FER1L5: variants seen among roughly 807,000 people sequenced by gnomAD.
FER1L5 encodes the protein fer-1 like family member 5, also known as fer-1-like protein 5.
FER1L5 carries 187 observed loss-of-function variants against 279.9 expected under a neutral mutation model. The ratio of observed to expected loss-of-function variants is 0.67; its 90% confidence interval spans 0.59 to 0.75. FER1L5 has a LOEUF of 0.75. FER1L5 is among the 30% of genes least tolerant of loss of function. The pLI is 0.00. For synonymous variants in FER1L5, 921 were observed against 989.7 expected, an observed-to-expected ratio of 0.93 and a Z score of 1.30; for missense variants, 2,091 against 2,594.4, an observed-to-expected ratio of 0.81 and a Z score of 4.21.
At chr2:96,693,360 A>T in intron 31 of FER1L5, 146 bp from the exon 32 acceptor site, 1 of 712,268 alleles carries the variant, frequency 1.4e-6, no homozygotes, top group Non-Finnish European at 2.2e-6. Flanking sequence ...TCTGCAGCTG[A>T]CTCTGAGGGG....
intron 27 of FER1L5, 118 bp downstream of exon 27, chr2:96,690,707 C>G (rs1410432497): frequency 2.3e-6 from 2 of 875,982 alleles, no homozygotes; most frequent in Admixed American, 2.5e-5. Context: ...ATTCCTGGGG[C>G]CCCCTGGCCT....
chr2:96,686,799 A>G (rs761278953), intron 23 of FER1L5, among the ~76,000 whole-genome samples: 1 of 141,722 alleles, frequency 7.1e-6, no homozygotes, highest in Non-Finnish European at 1.5e-5. Flanking sequence ...CGGAGGTTGC[A>G]GTGAGCTGAG....
chr2:96,659,364 TC>T lies in FER1L5; in HGVS notation c.748-976del, dbSNP rs2075786793. ...TTCCTTCCTTCCTTCCTTCCTTCCT[TC>T]TTTCTTTCTTTCTTTCTTTCTTTCT... On this transcript the variant is annotated intron_variant, in intron 9 of 52. Coordinates refer to ENST00000624922, the MANE Select transcript of FER1L5 (RefSeq NM_001293083.2). Among the ~76,000 whole-genome samples the T allele has an allele frequency of 1.9e-4, 4 of 20,708 alleles. 1 individual carries two copies. The highest frequency in any genetic ancestry group is 1.3e-3 in the African/African-American group (4 of 2,996). 13.6% of individuals were successfully genotyped at this position (20,708 alleles called of 152,430 possible). A position where few individuals can be genotyped will look rare whatever the true frequency, so the allele number is the denominator to read the frequency against.
chr2:96,693,572 G>GCC lies in FER1L5; in HGVS notation c.3362_3363dup (p.Thr1122ProfsTer65). On this transcript the variant is annotated frameshift_variant, in exon 32 of 53. Coordinates refer to ENST00000624922, the MANE Select transcript of FER1L5 (RefSeq NM_001293083.2). LOFTEE classifies it high-confidence loss of function. ...ACCCAAACCCTGAGGAGCTCTGCAG[G>GCC]CCCCACATGGGCCCAGACACTCATC... 6.4e-7 allele frequency: 1 copy of GCC among 1,551,506 alleles called. No homozygotes were observed.
chr2:96,671,194 A>G (rs1180950648), intron 18 of FER1L5, among the ~76,000 whole-genome samples: 3 of 151,048 alleles, frequency 2.0e-5, no homozygotes, highest in Non-Finnish European at 4.4e-5. Flanking sequence ...GGGCTTTGTA[A>G]AACAATCTAA....
intron 1 of FER1L5, among the ~76,000 whole-genome samples, chr2:96,644,918 C>T (rs1409768989): frequency 6.6e-6 from 1 of 152,216 alleles, no homozygotes; most frequent in Non-Finnish European, 1.5e-5. Flanking sequence ...TCCCCACCAC[C>T]TCATGGGCAC....
chr2:96,692,057 C>A (rs762656225), intron 30 of FER1L5, 47 bp from the exon 31 acceptor site: 11 of 1,549,906 alleles, frequency 7.1e-6, no homozygotes, highest in Non-Finnish European at 8.7e-6. Context: ...CAGAGGGAGC[C>A]GCTGGGGTCC....
intron 1 of FER1L5, among the ~76,000 whole-genome samples, chr2:96,643,438 C>T (rs1237984100): frequency 6.6e-6 from 1 of 150,990 alleles, no homozygotes; most frequent in Non-Finnish European, 1.5e-5. Flanking sequence ...CAACCTCTGC[C>T]TCCCAGGTTC....
chr2:96,695,933 A>G, intron 36 of FER1L5, 29 bp downstream of exon 36: 1 of 1,610,808 alleles, frequency 6.2e-7, no homozygotes, highest in Non-Finnish European at 8.5e-7. Flanking sequence ...GCCTTTCCCC[A>G]GGCCTCACAA....
chr2:96,700,536 C>T (rs1482222065), intron 45 of FER1L5, 65 bp downstream of exon 45: 3 of 1,601,162 alleles, frequency 1.9e-6, no homozygotes, highest in Non-Finnish European at 2.6e-6. Context: ...ACAGAGATGC[C>T]TGTCCACCCA....
chr2:96,660,348 T>C lies in FER1L5; in HGVS notation c.755T>C (p.Ile252Thr), dbSNP rs2075909499. 1.3e-6 allele frequency: 2 copies of C among 1,551,678 alleles called. No homozygotes were observed. The highest frequency in any genetic ancestry group is 1.7e-6 in the Non-Finnish European group (2 of 1,146,966). Residue 252 changes from isoleucine (I) to threonine (T), a missense_variant, in exon 10 of 53, where the codon ATT (isoleucine) becomes ACT (threonine). Transcript: ENST00000624922. The stretch of plus-strand genomic sequence containing the variant: ...CCACTGTTGTCTTTTCAGACAGATA[T>C]TGGGTTTATCTACCATTCTCCAGGT... ...KAEIGRFQTD[I>T]GFIYHSPGHT... is the part of the protein sequence containing the mutation.
Position 96,694,030 on chromosome 2 carries a change from G to A in FER1L5, c.3594G>A (p.Glu1198=). 6.5e-7 allele frequency: 1 copy of A among 1,548,686 alleles called. No individual in the cohort carries two copies. Among genetic ancestry groups the A allele is most frequent in the African/African-American group, 1.4e-5 (1 of 73,176 alleles). ...TTGTAAAGGAGTTGGGGAAGGAAGAGGGCGAGATCTTGGCATCCTGTGAGC... is the reference window on the plus strand; with the variant it reads ...TTGTAAAGGAGTTGGGGAAGGAAGAAGGCGAGATCTTGGCATCCTGTGAGC... The part of the protein sequence containing the change: ...HPLVKELGKE[E]GEILASCELI... The change falls in exon 33 of 53, where the codon GAG becomes GAA. Residue 1198 remains glutamate, a synonymous_variant. Coordinates refer to ENST00000624922, the MANE Select transcript of FER1L5 (RefSeq NM_001293083.2). This position sits in a 1 kb window ranked among gnomAD's most constrained non-coding sequence, Gnocchi z 4.6.
rs1166844031 is a variant in FER1L5 at position 96,689,399 on chromosome 2, C to T, written c.2525+23C>T. On this transcript the variant is annotated intron_variant, in intron 25 of 52. Coordinates refer to ENST00000624922, the MANE Select transcript of FER1L5 (RefSeq NM_001293083.2). This position sits in a 1 kb window ranked among gnomAD's most constrained non-coding sequence, Gnocchi z 4.6. ...AAGGTAAGGCCAGAGGGGGCAGGCC[C>T]CACCAGAGGGGACACTTCACCTGGG... 6.5e-7 allele frequency: 1 copy of T among 1,544,620 alleles called. No homozygotes were observed. The highest frequency in any genetic ancestry group is 1.7e-4 in the Middle Eastern group (1 of 5,954).
rs746214147 is a variant in FER1L5 at position 96,702,648 on chromosome 2, C to A, written c.5304C>A (p.Tyr1768Ter). ...ACATGCAGAAGACAGACATCCACTA[C>A]CACTCGCTGACTGGGGAGGCCGACT... ...EKDMQKTDIH[Y>*]HSLTGEADFN... The change falls in exon 48 of 53, where the codon TAC (tyrosine) becomes TAA (stop). Residue 1768 changes from tyrosine (Y) to a stop codon, truncating the protein, a stop_gained. Transcript: ENST00000624922. LOFTEE classifies it high-confidence loss of function. The surrounding 1 kb of genome is among the most constrained non-coding windows in gnomAD (Gnocchi z 4.0). The A allele has an allele frequency of 6.2e-7, 1 of 1,603,582 alleles. No individual in the cohort carries two copies. The highest frequency in any genetic ancestry group is 1.1e-5 in the South Asian group (1 of 89,164).
In FER1L5 at chr2:96,648,116, A is replaced by C. The variant is rs2075215762; in HGVS notation, c.339+230A>C. Among the ~76,000 whole-genome samples the C allele has an allele frequency of 2.6e-5, 4 of 152,210 alleles. No individual in the cohort carries two copies. In the South Asian group the frequency reaches 8.3e-4, roughly 32 times the overall value. ...CCACTGTGCCAGGCCCTGTGGTACAAAATTGCCTTAAGCCCATGGTCTGTT... is the reference window on the plus strand; with the variant it reads ...CCACTGTGCCAGGCCCTGTGGTACACAATTGCCTTAAGCCCATGGTCTGTT... On this transcript the variant is annotated intron_variant, in intron 4 of 52. Transcript: ENST00000624922.
chr2:96,659,653 G>A (rs369941567), intron 9 of FER1L5, among the ~76,000 whole-genome samples: 13 of 150,354 alleles, frequency 8.6e-5, no homozygotes, highest in Admixed American at 1.3e-4. Flanking sequence ...CACCACGCCC[G>A]GCTAATTTTT....
chr2:96,662,291 C>A, intron 13 of FER1L5, 24 bp downstream of exon 13: 1 of 1,550,006 alleles, frequency 6.5e-7, no homozygotes, highest in Non-Finnish European at 8.7e-7. Context: ...TATTCTGAGA[C>A]CCAGAGAGAT....
In FER1L5 at chr2:96,687,848, C is replaced by G; in HGVS notation, c.2262C>G (p.Leu754=). The part of the protein sequence containing the change: ...YPEGEGQKDV[L]PAHLRVCMWL... ...AGGGTGAAGGACAGAAGGATGTGCT[C>G]CCAGCTCACCTCCGGGTCTGCATGT... The change falls in exon 24 of 53, where the codon CTC becomes CTG. Residue 754 remains leucine (L), a synonymous_variant. Transcript: ENST00000624922. The G allele has an allele frequency of 6.4e-7, 1 of 1,551,278 alleles. No homozygotes were observed. The highest frequency in any genetic ancestry group is 8.7e-7 in the Non-Finnish European group (1 of 1,146,976).
intron 42 of FER1L5, 82 bp from the exon 43 acceptor site, chr2:96,699,468 T>C (rs1369633565): frequency 2.0e-6 from 3 of 1,469,200 alleles, no homozygotes; most frequent in Non-Finnish European, 2.8e-6. Context: ...ACAAGGGGCC[T>C]ACGGGGCCGA....
Sources: allele counts gnomAD v4.1 joint callset (sites outside exome capture counted in the v4.1 genomes callset), GRCh38; gene constraint gnomAD v4.1.1; non-coding constraint Gnocchi (gnomAD v3.1); transcripts MANE v1.5; gene names NCBI Gene and HGNC (gene_info 2026-07-23, HGNC 2026-07-21).